The following PTPRG variants were observed in gnomAD, a reference collection of about 807,000 sequenced individuals.
PTPRG encodes protein tyrosine phosphatase receptor type G.
PTPRG carries 102 observed loss-of-function variants against 165.3 expected under a neutral mutation model. The observed-to-expected ratio is 0.62, with a 90% confidence interval of 0.53 to 0.73. The LOEUF is 0.73. Among genes scored for constraint, PTPRG ranks in the 30% least tolerant of loss-of-function variants. The probability of loss-of-function intolerance (pLI) is 0.00; values close to 1 mark genes in which losing one functional copy is unlikely to be tolerated. For missense variants in PTPRG, 1,866 were observed against 1,861.4 expected, an observed-to-expected ratio of 1.00 and a Z score of -0.05; for synonymous variants, 675 against 669.5, an observed-to-expected ratio of 1.01 and a Z score of -0.13.
intron 1 of PTPRG, among the ~76,000 whole-genome samples, chr3:61,668,798 T>C (rs1415147787): frequency 6.6e-6 from 1 of 152,088 alleles, no homozygotes; most frequent in Non-Finnish European, 1.5e-5. Context: ...TTTCAAGAGA[T>C]GGTATTATCT....
intron 1 of PTPRG, among the ~76,000 whole-genome samples, chr3:61,575,760 C>T (rs979241903): frequency 9.9e-5 from 15 of 151,894 alleles, no homozygotes; most frequent in African/African-American, 2.7e-4. Context: ...CCACCACGCC[C>T]GGCTAATTTT....
chr3:61,954,310 A>G (rs72885833), intron 2 of PTPRG, among the ~76,000 whole-genome samples: 2,376 of 152,240 alleles, frequency 0.016, 67 homozygotes, highest in African/African-American at 0.054. Flanking sequence ...TGTTAGTGGT[A>G]TTAGTGGTGG....
chr3:61,653,521 G>A (rs1173736226), intron 1 of PTPRG, among the ~76,000 whole-genome samples: 1 of 151,854 alleles, frequency 6.6e-6, no homozygotes, highest in Non-Finnish European at 1.5e-5. Flanking sequence ...ATGTACATGA[G>A]ACTGTATGCC....
At chr3:62,218,658 A>G (rs1700571694) in intron 12 of PTPRG, among the ~76,000 whole-genome samples, 193 bp from the exon 13 acceptor site, 1 of 152,180 alleles carries the variant, frequency 6.6e-6, no homozygotes, top group African/African-American at 2.4e-5. Flanking sequence ...AGCCCATAGA[A>G]GAGGCCCTGT....
intron 3 of PTPRG, among the ~76,000 whole-genome samples, chr3:61,995,076 C>CTT (rs1487681504): frequency 8.8e-6 from 1 of 113,610 alleles, no homozygotes; most frequent in African/African-American, 3.6e-5. Context: ...TTTTTCTTTT[C>CTT]TTTCTTTCTT....
chr3:62,048,953 C>T (rs1700381555), intron 4 of PTPRG, among the ~76,000 whole-genome samples: 1 of 152,126 alleles, frequency 6.6e-6, no homozygotes, highest in African/African-American at 2.4e-5. Context: ...TAGACTGCTG[C>T]CTGTTTCTCT....
intron 1 of PTPRG, among the ~76,000 whole-genome samples, chr3:61,662,512 T>C (rs1702693951): frequency 1.3e-5 from 2 of 152,334 alleles, no homozygotes; most frequent in South Asian, 4.1e-4. Context: ...CCAACTAAAC[T>C]GCTCTTACAT....
chr3:62,250,634 A>G (rs953023713), intron 15 of PTPRG, among the ~76,000 whole-genome samples: 3 of 152,200 alleles, frequency 2.0e-5, no homozygotes, highest in African/African-American at 7.2e-5. Flanking sequence ...AGTTCTGAAG[A>G]TGCAAGTACG....
intron 2 of PTPRG, among the ~76,000 whole-genome samples, chr3:61,880,166 C>T (rs553302121): frequency 6.6e-6 from 1 of 152,250 alleles, no homozygotes. Flanking sequence ...TATCAAATAC[C>T]AGGCATAATT....
chr3:61,752,401 T>C (rs2033467447), intron 2 of PTPRG, among the ~76,000 whole-genome samples: 1 of 152,206 alleles, frequency 6.6e-6, no homozygotes, highest in South Asian at 2.1e-4. Context: ...ACCTAGAATG[T>C]TACTATTCCA....
intron 12 of PTPRG, among the ~76,000 whole-genome samples, chr3:62,206,748 C>T (rs541056642): frequency 3.5e-4 from 53 of 151,980 alleles, no homozygotes; most frequent in African/African-American, 1.3e-3. Context: ...GCCTGGGCAA[C>T]ATGGTGAAAC....
chr3:61,950,970 T>C (rs1448895101), intron 2 of PTPRG, among the ~76,000 whole-genome samples: 1 of 152,242 alleles, frequency 6.6e-6, no homozygotes. Flanking sequence ...CCCCAAGACA[T>C]GCCATCGCTC....
chr3:61,726,938 T>C (rs958893375), intron 1 of PTPRG, among the ~76,000 whole-genome samples: 1 of 151,626 alleles, frequency 6.6e-6, no homozygotes, highest in Non-Finnish European at 1.5e-5. Flanking sequence ...GCCCAGCTAC[T>C]CGGGAGACTG....
intron 2 of PTPRG, among the ~76,000 whole-genome samples, chr3:61,780,348 A>G (rs1242757281): frequency 2.0e-5 from 3 of 152,228 alleles, no homozygotes; most frequent in East Asian, 3.9e-4. Context: ...GCCCCCAGGA[A>G]GAAATTACAA....
At chr3:61,932,740 A>AACC (rs112923558) in intron 2 of PTPRG, among the ~76,000 whole-genome samples, 1,917 of 152,294 alleles carry the variant, frequency 0.013, 39 homozygotes, top group African/African-American at 0.039. Flanking sequence ...CAAAACTTGT[A>AACC]ACCACCACCA....
In PTPRG at chr3:61,628,376, G is replaced by C. The variant is rs544406782; in HGVS notation, c.85+66004G>C. The stretch of plus-strand genomic sequence containing the variant: ...CTGTTGCCCAGGCTGGAGTGCAGTG[G>C]CATGGTCTTGGCTCACTGCAGCCTC... On this transcript the variant is annotated intron_variant, in intron 1 of 29. Transcript: ENST00000474889. Among the ~76,000 whole-genome samples, 4 of 152,098 alleles carry C rather than the reference G, an allele frequency of 2.6e-5. No individual in the cohort carries two copies. In the South Asian group the frequency reaches 6.2e-4, roughly 24 times the overall value.
chr3:61,972,832 T>A (rs1409713763), intron 2 of PTPRG, among the ~76,000 whole-genome samples: 11 of 151,830 alleles, frequency 7.2e-5, no homozygotes, highest in Admixed American at 2.0e-4. Context: ...TTTAATTTTT[T>A]TTTTTTTGTA....
At chr3:61,612,461 C>T (rs576907944) in intron 1 of PTPRG, among the ~76,000 whole-genome samples, 4 of 152,284 alleles carry the variant, frequency 2.6e-5, no homozygotes, top group South Asian at 2.1e-4. Context: ...AGGTAGTTCT[C>T]GGCAGTACTG....
At chr3:62,113,128 AG>A (rs1288494024) in intron 5 of PTPRG, among the ~76,000 whole-genome samples, 1 of 152,228 alleles carries the variant, frequency 6.6e-6, no homozygotes, top group Non-Finnish European at 1.5e-5. Flanking sequence ...TACCCAGGTC[AG>A]GATGAGGCCA....
Sources: gnomAD v4.1 joint callset for allele counts (sites outside exome capture counted in the v4.1 genomes callset) on GRCh38, gnomAD v4.1.1 for gene constraint, MANE v1.5 for transcripts, NCBI Gene and HGNC (gene_info 2026-07-23, HGNC 2026-07-21) for gene names.